DYNC2LI1: variants seen among roughly 807,000 people sequenced by gnomAD.
DYNC2LI1 encodes cytoplasmic dynein 2 light intermediate chain 1.
Under a neutral mutation model 51.9 loss-of-function variants are expected in DYNC2LI1, and 45 were observed. That is an observed-to-expected ratio of 0.87 (90% CI 0.68 to 1.11). The LOEUF is 1.11. DYNC2LI1 is among the 50% of genes most tolerant of loss of function. DYNC2LI1 has a pLI of 0.00. For synonymous variants in DYNC2LI1, 130 were observed against 137.8 expected (o/e 0.94, Z 0.40); for missense variants, 490 against 417.4 (o/e 1.17, Z -1.51).
At chr2:43,809,021 C>A (rs1025176303) in intron 12 of DYNC2LI1, among the ~76,000 whole-genome samples, 9 of 151,926 alleles carry the variant, frequency 5.9e-5, no homozygotes, top group Admixed American at 5.9e-4. Flanking sequence ...CAGGATCTCA[C>A]TCTGTCACCC....
chr2:43,813,314 C>G, downstream of DYNC2LI1: 1 of 1,602,070 alleles, frequency 6.2e-7, no homozygotes, highest in Non-Finnish European at 8.5e-7. Context: ...AGCTGCCTGT[C>G]AAGGAAAAGA....
chr2:43,809,771 T>C lies in DYNC2LI1; in HGVS notation c.*4T>C. ...ACAAATCGAGCTTGATTCTTGAACC[T>C]ATTTCAATTATTGTATATTTATTTC... On this transcript the variant is annotated 3_prime_UTR_variant, in exon 13 of 13. Coordinates refer to ENST00000260605, the MANE Select transcript of DYNC2LI1 (RefSeq NM_016008.4). The C allele has an allele frequency of 6.2e-7, 1 of 1,606,950 alleles. No homozygotes were observed. The highest frequency in any genetic ancestry group is 8.5e-7 in the Non-Finnish European group (1 of 1,175,816).
At chr2:43,825,110 AG>A in the DYNC2LI1 span, 1 of 1,503,556 alleles carries the variant, frequency 6.7e-7, no homozygotes, top group Admixed American at 1.9e-5. Context: ...GGCCAAGGTC[AG>A]GTATTCCTTA....
the DYNC2LI1 span, chr2:43,820,143 C>A: frequency 6.3e-7 from 1 of 1,586,644 alleles, no homozygotes; most frequent in East Asian, 2.3e-5. Context: ...CAAGGGCTAT[C>A]ATTTAAGAAA....
At chr2:43,779,451 C>T (rs1390026289) in intron 2 of DYNC2LI1, among the ~76,000 whole-genome samples, 6 of 152,186 alleles carry the variant, frequency 3.9e-5, no homozygotes, top group South Asian at 2.1e-4. Flanking sequence ...TGACATTGAT[C>T]GAACATCTTT....
intron 10 of DYNC2LI1, among the ~76,000 whole-genome samples, chr2:43,803,470 A>T (rs1003938049): frequency 6.6e-6 from 1 of 152,172 alleles, no homozygotes; most frequent in African/African-American, 2.4e-5. Context: ...GAAATGAAAA[A>T]CATTTTAGAA....
chr2:43,820,508 C>T, the DYNC2LI1 span, among the ~76,000 whole-genome samples: 1 of 152,186 alleles, frequency 6.6e-6, no homozygotes. Context: ...CCCAGCACCC[C>T]CTTCCCTGAA....
At chr2:43,791,237 A>C (rs560958031) in intron 5 of DYNC2LI1, among the ~76,000 whole-genome samples, 165 of 152,112 alleles carry the variant, frequency 1.1e-3, no homozygotes, top group African/African-American at 3.7e-3. Flanking sequence ...AAAGAGAGAG[A>C]GAGAGATAGG....
the DYNC2LI1 span, chr2:43,824,837 A>T: frequency 6.2e-7 from 1 of 1,607,838 alleles, no homozygotes. Context: ...GAAGTCTGAG[A>T]TGAGAAAGTT....
the DYNC2LI1 span, chr2:43,824,025 A>C: frequency 6.2e-7 from 1 of 1,614,224 alleles, no homozygotes; most frequent in South Asian, 1.1e-5. Flanking sequence ...GGACCCGCAG[A>C]ACGAAGAAAA....
the DYNC2LI1 span, chr2:43,822,800 T>C: frequency 1.2e-5 from 20 of 1,614,092 alleles, no homozygotes; most frequent in Non-Finnish European, 1.7e-5. Flanking sequence ...CCCTCACCAG[T>C]AGCACACACT....
intron 5 of DYNC2LI1, among the ~76,000 whole-genome samples, chr2:43,791,494 C>G (rs759902911): frequency 1.3e-5 from 2 of 152,046 alleles, no homozygotes; most frequent in Non-Finnish European, 2.9e-5. Context: ...CCTGGAGCCC[C>G]ATGACAGCTG....
Position 43,791,457 on chromosome 2 carries a change from C to T in DYNC2LI1, c.320+1736C>T, listed in dbSNP as rs78020897. ...CAGATCATCCCAAGGGTTAATACCT[C>T]ATTTGTGAGGTCTTGGGCTTCCTTT... On this transcript the variant is annotated intron_variant, in intron 5 of 12. Transcript: ENST00000260605. Among the ~76,000 whole-genome samples the T allele has an allele frequency of 3.0e-3, 453 of 152,058 alleles. 10 individuals are homozygous for T. In the East Asian group the frequency reaches 0.062, roughly 21 times the overall value.
At chr2:43,821,550 T>C in the DYNC2LI1 span, among the ~76,000 whole-genome samples, 1 of 152,144 alleles carries the variant, frequency 6.6e-6, no homozygotes, top group African/African-American at 2.4e-5. Flanking sequence ...CTGGACCCCT[T>C]CTGCCATTCT....
downstream of DYNC2LI1, chr2:43,812,962 T>G (rs1198026552): frequency 1.5e-6 from 1 of 657,300 alleles, no homozygotes; most frequent in African/African-American, 1.8e-5. Flanking sequence ...ATTCAAGGCC[T>G]GCTTGGATCC....
chr2:43,809,685 G>T lies in DYNC2LI1; in HGVS notation c.994-20G>T. ...TAGTAAAGTTGATTTTTCTTAAAGTGATACATATTTTTGTTTTAGGAACTG... is the reference window on the plus strand; with the variant it reads ...TAGTAAAGTTGATTTTTCTTAAAGTTATACATATTTTTGTTTTAGGAACTG... On this transcript the variant is annotated intron_variant, in intron 12 of 12. Coordinates refer to ENST00000260605, the MANE Select transcript of DYNC2LI1 (RefSeq NM_016008.4). The T allele has an allele frequency of 1.3e-6, 2 of 1,580,152 alleles. No individual in the cohort carries two copies. Among genetic ancestry groups the T allele is most frequent in the South Asian group, 1.1e-5 (1 of 87,196 alleles).
At chr2:43,808,159 G>A (rs1315233529) in intron 12 of DYNC2LI1, among the ~76,000 whole-genome samples, 1 of 151,926 alleles carries the variant, frequency 6.6e-6, no homozygotes, top group Non-Finnish European at 1.5e-5. Flanking sequence ...GTAGATAACT[G>A]GTGAACTGAA....
chr2:43,818,435 CTG>C, the DYNC2LI1 span, among the ~76,000 whole-genome samples: 2 of 152,282 alleles, frequency 1.3e-5, no homozygotes, highest in Admixed American at 6.5e-5. Context: ...CAGAGTGAAA[CTG>C]TGTTTCAAAA....
At chr2:43,799,780 GA>G (rs947433828) in intron 8 of DYNC2LI1, among the ~76,000 whole-genome samples, 1 of 152,108 alleles carries the variant, frequency 6.6e-6, no homozygotes, top group African/African-American at 2.4e-5. Context: ...TTCTCATAAA[GA>G]AAATAAAATT....
Sources: gnomAD v4.1 joint callset for allele counts (sites outside exome capture counted in the v4.1 genomes callset) on GRCh38, gnomAD v4.1.1 for gene constraint, MANE v1.5 for transcripts, NCBI Gene and HGNC (gene_info 2026-07-23, HGNC 2026-07-21) for gene names.